Variants in ANKRD55 observed in about 807,000 individuals in gnomAD.
ANKRD55 encodes ankyrin repeat domain-containing protein 55.
In ANKRD55, 41 loss-of-function variants were observed where a neutral mutation model predicts 60.6. The ratio of observed to expected loss-of-function variants is 0.68; its 90% CI spans 0.53 to 0.88. The LOEUF (loss-of-function observed/expected upper bound fraction) is 0.88. Ranked by LOEUF, ANKRD55 falls within the 40% of genes least tolerant of loss-of-function variation. The pLI is 0.00. For synonymous variants in ANKRD55, 264 were observed against 290.3 expected, an observed-to-expected ratio of 0.91 and a Z score of 0.92; for missense variants, 732 against 767.6, an observed-to-expected ratio of 0.95 and a Z score of 0.55.
chr5:56,160,304 A>G (rs1297991527), intron 5 of ANKRD55, among the ~76,000 whole-genome samples: 1 of 152,180 alleles, frequency 6.6e-6, no homozygotes, highest in African/African-American at 2.4e-5. Flanking sequence ...AGTGGCACGA[A>G]CTTGGCTCAC....
chr5:56,196,132 C>T (rs1461905513), intron 2 of ANKRD55, among the ~76,000 whole-genome samples: 1 of 152,124 alleles, frequency 6.6e-6, no homozygotes, highest in African/African-American at 2.4e-5. Context: ...TTTTTGTAAC[C>T]TTGAGCAATT....
intron 2 of ANKRD55, 152 bp from the exon 3 acceptor site, chr5:56,183,786 C>A: frequency 1.1e-6 from 1 of 949,658 alleles, no homozygotes; most frequent in Non-Finnish European, 1.5e-6. Flanking sequence ...CACACTCCCT[C>A]ACCACTTCTG....
chr5:56,172,971 T>C (rs576318378), intron 4 of ANKRD55, among the ~76,000 whole-genome samples: 2 of 152,294 alleles, frequency 1.3e-5, no homozygotes, highest in East Asian at 3.9e-4. Context: ...ACTAGTTTTA[T>C]CTAATGGCTT....
intron 6 of ANKRD55, among the ~76,000 whole-genome samples, chr5:56,150,670 G>T (rs1758018590): frequency 6.6e-6 from 1 of 152,116 alleles, no homozygotes; most frequent in African/African-American, 2.4e-5. Flanking sequence ...GGCCAAGGTG[G>T]ATGAATCATT....
intron 8 of ANKRD55, among the ~76,000 whole-genome samples, chr5:56,119,581 TA>T (rs1232826501): frequency 6.6e-6 from 1 of 152,004 alleles, no homozygotes; most frequent in African/African-American, 2.4e-5. Flanking sequence ...TGAACGTAAA[TA>T]AAAAGAACAC....
chr5:56,210,976 T>C (rs896467409), intron 2 of ANKRD55, among the ~76,000 whole-genome samples: 1 of 152,322 alleles, frequency 6.6e-6, no homozygotes, highest in East Asian at 1.9e-4. Flanking sequence ...GCTCCTCCTG[T>C]AGCCTGTTCA....
At chr5:56,160,388 C>T (rs1035731808) in intron 5 of ANKRD55, among the ~76,000 whole-genome samples, 5 of 152,224 alleles carry the variant, frequency 3.3e-5, no homozygotes, top group Non-Finnish European at 7.4e-5. Context: ...ACAGGCGCCC[C>T]GCACCACGCC....
At chr5:56,131,795 CAAAAAAA>C (rs34898025) in intron 7 of ANKRD55, among the ~76,000 whole-genome samples, 17 of 26,778 alleles carry the variant, frequency 6.3e-4, no homozygotes, top group East Asian at 1.1e-3. Context: ...GACTCCGTCT[CAAAAAAA>C]AAAAAAAAAA....
At chr5:56,232,780 C>T (rs1760290879) in intron 2 of ANKRD55, 76 bp downstream of exon 2, 1 of 1,441,550 alleles carries the variant, frequency 6.9e-7, no homozygotes, top group Non-Finnish European at 9.8e-7. Context: ...TTCTCTTTCT[C>T]TCCTTACAAC....
intron 7 of ANKRD55, chr5:56,127,425 T>G: frequency 1.0e-6 from 1 of 985,056 alleles, no homozygotes; most frequent in Non-Finnish European, 1.2e-6. Flanking sequence ...GAGTGATCGG[T>G]GGGCCACCTA....
chr5:56,143,356 T>C (rs1757818087), intron 7 of ANKRD55, among the ~76,000 whole-genome samples: 1 of 152,174 alleles, frequency 6.6e-6, no homozygotes, highest in Admixed American at 6.5e-5. Context: ...GACTCCCTTA[T>C]GTGATAGTGA....
Position 56,169,859 on chromosome 5 carries a change from G to T in ANKRD55, c.422+835C>A, listed in dbSNP as rs373024049. On this transcript the variant is annotated intron_variant, in intron 5 of 11. Transcript: ENST00000341048. The stretch of plus-strand genomic sequence containing the variant: ...GAGGCATGTTCTGCACAGCAGAAAG[G>T]GTCCACCATGTTACTGATTCCATAG... 9.9e-5 allele frequency among the ~76,000 whole-genome samples: 15 copies of T among 152,244 alleles called. No individual in the cohort carries two copies. In the East Asian group the frequency reaches 1.4e-3, roughly 14 times the overall value.
intron 6 of ANKRD55, among the ~76,000 whole-genome samples, chr5:56,146,433 C>T (rs578172886): frequency 5.3e-4 from 80 of 151,892 alleles, no homozygotes; most frequent in Non-Finnish European, 9.3e-4. Context: ...TACAGGTGCC[C>T]GCCACCACGC....
chr5:56,202,572 T>G (rs192614893), intron 2 of ANKRD55, among the ~76,000 whole-genome samples: 64 of 152,296 alleles, frequency 4.2e-4, no homozygotes, highest in African/African-American at 1.4e-3. Context: ...TCTAACATTT[T>G]AAAGGGAAAA....
chr5:56,144,534 G>A (rs149624708), intron 6 of ANKRD55, among the ~76,000 whole-genome samples: 2,100 of 151,154 alleles, frequency 0.014, 37 homozygotes, highest in Admixed American at 0.04. Context: ...AATGTGAAAT[G>A]AGGTTGGAGA....
In ANKRD55 at chr5:56,102,395, A is replaced by T; in HGVS notation, c.1723+99T>A. The T allele has an allele frequency of 1.6e-5, 15 of 955,270 alleles. No individual in the cohort carries two copies. In the South Asian group the frequency reaches 2.5e-4, roughly 16 times the overall value. The allele number at this position is 955,270 out of a possible 1,614,324, so 59.2% of individuals were successfully genotyped here. On this transcript the variant is annotated intron_variant, in intron 11 of 11. Transcript: ENST00000341048. Reference sequence around the variant, plus strand: ...GACAGCGCAAGACTCCATCTCAAAAAAAAAAAAAGAAAAATGAAAGTAAAC... The same window carrying T: ...GACAGCGCAAGACTCCATCTCAAAATAAAAAAAAGAAAAATGAAAGTAAAC...
intron 3 of ANKRD55, among the ~76,000 whole-genome samples, chr5:56,178,184 C>T (rs963956393): frequency 6.6e-6 from 1 of 151,396 alleles, no homozygotes; most frequent in Non-Finnish European, 1.5e-5. Flanking sequence ...CTGAACAAAT[C>T]TTTTCTTTCT....
intron 2 of ANKRD55, among the ~76,000 whole-genome samples, chr5:56,210,560 C>CAACAAAAA (rs1759645191): frequency 1.5e-5 from 1 of 65,158 alleles, no homozygotes; most frequent in Non-Finnish European, 3.2e-5. Context: ...GACTACGTCT[C>CAACAAAAA]AAAAAAAAAA....
chr5:56,217,023 C>T (rs1759829512), intron 2 of ANKRD55, among the ~76,000 whole-genome samples: 1 of 152,220 alleles, frequency 6.6e-6, no homozygotes, highest in African/African-American at 2.4e-5. Flanking sequence ...CACTACCCAG[C>T]TTCAATGCTT....
Sources: gnomAD v4.1 joint callset for allele counts (sites outside exome capture counted in the v4.1 genomes callset) on GRCh38, gnomAD v4.1.1 for gene constraint, MANE v1.5 for transcripts, NCBI Gene and HGNC (gene_info 2026-07-23, HGNC 2026-07-21) for gene names.